Variants in CNTNAP2 observed in about 807,000 individuals in gnomAD.
CNTNAP2 encodes contactin-associated protein-like 2.
A neutral mutation model predicts 155.2 loss-of-function variants in CNTNAP2; 98 were observed. The observed-to-expected ratio is 0.63, with a 90% CI of 0.54 to 0.75. The LOEUF is 0.75. Among genes scored for constraint, CNTNAP2 ranks in the 30% least tolerant of loss-of-function variants. The pLI is 0.00. For synonymous variants in CNTNAP2, 651 were observed against 631.2 expected (o/e 1.03, Z -0.47); for missense variants, 1,727 against 1,688.1 (o/e 1.02, Z -0.40).
intron 2 of CNTNAP2, among the ~76,000 whole-genome samples, chr7:146,833,235 T>C (rs1321373745): frequency 2.0e-5 from 3 of 152,192 alleles, no homozygotes; most frequent in East Asian, 1.9e-4. Context: ...TAGCCCTCAA[T>C]TGCTATTACT....
intron 1 of CNTNAP2, among the ~76,000 whole-genome samples, chr7:146,290,018 T>G (rs983898259): frequency 2.0e-4 from 31 of 152,122 alleles, no homozygotes; most frequent in African/African-American, 7.5e-4. Flanking sequence ...TAAGAAAAAA[T>G]AATTTTATCT....
chr7:147,072,237 C>A (rs1172982158), intron 4 of CNTNAP2, among the ~76,000 whole-genome samples: 1 of 151,952 alleles, frequency 6.6e-6, no homozygotes, highest in Non-Finnish European at 1.5e-5. Flanking sequence ...GCTGCAGCAC[C>A]GAGATTGAAG....
At chr7:146,968,794 T>C (rs1349994775) in intron 3 of CNTNAP2, among the ~76,000 whole-genome samples, 1 of 151,006 alleles carries the variant, frequency 6.6e-6, no homozygotes. Context: ...GAAGGGTTTT[T>C]TGTGTCTCTA....
At chr7:147,378,947 C>G (rs1796487741) in intron 9 of CNTNAP2, among the ~76,000 whole-genome samples, 1 of 151,954 alleles carries the variant, frequency 6.6e-6, no homozygotes, top group South Asian at 2.1e-4. Flanking sequence ...TGGGAGGGAC[C>G]CAGTGAGAGA....
chr7:146,692,318 T>A, intron 1 of CNTNAP2, among the ~76,000 whole-genome samples: 1 of 152,136 alleles, frequency 6.6e-6, no homozygotes, highest in African/African-American at 2.4e-5. Flanking sequence ...TTTCCCTACA[T>A]AAAAACCTTT....
chr7:146,610,655 CTAA>C (rs1360554361), intron 1 of CNTNAP2, among the ~76,000 whole-genome samples: 1 of 152,184 alleles, frequency 6.6e-6, no homozygotes, highest in African/African-American at 2.4e-5. Flanking sequence ...AGCTCCTCCT[CTAA>C]TAATCTTGAT....
At chr7:147,630,406 C>T (rs28794496) in intron 12 of CNTNAP2, among the ~76,000 whole-genome samples, 13,609 of 150,208 alleles carry the variant, frequency 0.091, 1,706 homozygotes, top group African/African-American at 0.26. Flanking sequence ...AAAGAAGAAT[C>T]GACACCAATC....
chr7:147,439,911 G>C (rs1797609305), intron 10 of CNTNAP2, among the ~76,000 whole-genome samples: 1 of 151,764 alleles, frequency 6.6e-6, no homozygotes, highest in African/African-American at 2.4e-5. Context: ...TTTTGTTTTG[G>C]TTTCCAGTGG....
intron 1 of CNTNAP2, among the ~76,000 whole-genome samples, chr7:146,526,306 G>A (rs801951): frequency 0.036 from 5,406 of 152,214 alleles, 309 homozygotes; most frequent in African/African-American, 0.12. Context: ...TCCTAAGATC[G>A]AGTAATTTAT....
At chr7:146,657,904 A>T (rs1007446747) in intron 1 of CNTNAP2, among the ~76,000 whole-genome samples, 3 of 152,190 alleles carry the variant, frequency 2.0e-5, no homozygotes, top group Non-Finnish European at 4.4e-5. Flanking sequence ...TCTTTTTGAC[A>T]AAATAAGTTC....
intron 1 of CNTNAP2, among the ~76,000 whole-genome samples, chr7:146,678,577 G>A (rs1280341141): frequency 6.6e-6 from 1 of 152,072 alleles, no homozygotes; most frequent in Non-Finnish European, 1.5e-5. Context: ...GTACTCAGTA[G>A]GACCTATTAG....
intron 1 of CNTNAP2, among the ~76,000 whole-genome samples, chr7:146,465,306 G>T (rs183537577): frequency 2.3e-3 from 347 of 152,208 alleles, no homozygotes; most frequent in Admixed American, 6.3e-3. Context: ...TTAAAATGTG[G>T]CAGGGTAGCA....
At chr7:148,101,453 G>A (rs1265599052) in intron 15 of CNTNAP2, among the ~76,000 whole-genome samples, 1 of 151,646 alleles carries the variant, frequency 6.6e-6, no homozygotes, top group Non-Finnish European at 1.5e-5. Context: ...ATTGAAATCT[G>A]CAATAAAGCG....
At chr7:146,984,375 A>G (rs1407805151) in intron 3 of CNTNAP2, among the ~76,000 whole-genome samples, 1 of 151,806 alleles carries the variant, frequency 6.6e-6, no homozygotes, top group Admixed American at 6.6e-5. Context: ...CTCAAAAAAA[A>G]AAAAAAAAAA....
intron 22 of CNTNAP2, among the ~76,000 whole-genome samples, chr7:148,404,580 G>A (rs1295145972): frequency 6.6e-6 from 1 of 152,190 alleles, no homozygotes; most frequent in African/African-American, 2.4e-5. Context: ...GAACGCTTTT[G>A]GTCTCCAGCC....
At chr7:147,305,282 A>C (rs903679110) in intron 9 of CNTNAP2, among the ~76,000 whole-genome samples, 16 of 152,226 alleles carry the variant, frequency 1.1e-4, no homozygotes, top group Non-Finnish European at 1.9e-4. Context: ...ATGTAAATAT[A>C]GATTTTTATC....
At chr7:146,790,742 T>C (rs1802656773) in intron 2 of CNTNAP2, among the ~76,000 whole-genome samples, 1 of 151,982 alleles carries the variant, frequency 6.6e-6, no homozygotes. Context: ...GCTAATTTTT[T>C]GTATTTTTAG....
At chr7:147,796,513 C>G (rs1342537542) in intron 13 of CNTNAP2, among the ~76,000 whole-genome samples, 2 of 151,458 alleles carry the variant, frequency 1.3e-5, no homozygotes, top group African/African-American at 4.9e-5. Context: ...TAAGCACTTA[C>G]CAACAGAGCA....
chr7:147,525,585 A>G (rs1000895720), intron 11 of CNTNAP2, among the ~76,000 whole-genome samples: 1 of 152,222 alleles, frequency 6.6e-6, no homozygotes, highest in Admixed American at 6.5e-5. Context: ...GGGTAGGCAG[A>G]AGCTAGTGAT....
Sources: allele counts gnomAD v4.1 joint callset (sites outside exome capture counted in the v4.1 genomes callset), GRCh38; gene constraint gnomAD v4.1.1; transcripts MANE v1.5; gene names NCBI Gene and HGNC (gene_info 2026-07-23, HGNC 2026-07-21).